Variants in NCAPG2 observed in about 807,000 individuals in gnomAD.
NCAPG2 encodes non-SMC condensin II complex subunit G2, also known as condensin-2 complex subunit G2.
Under a neutral mutation model 141.1 loss-of-function variants are expected in NCAPG2, and 53 were observed. The ratio of observed to expected loss-of-function variants is 0.38; its 90% confidence interval spans 0.30 to 0.47. NCAPG2 has a LOEUF of 0.47. Among genes scored for constraint, NCAPG2 ranks in the 20% least tolerant of loss-of-function variants. NCAPG2 has a pLI of 0.99. For missense variants in NCAPG2, 1,087 were observed against 1,389.0 expected (o/e 0.78, Z 3.46); for synonymous variants, 499 against 490.7 (o/e 1.02, Z -0.22).
rs1169051112 is a variant in NCAPG2 at position 158,683,336 on chromosome 7, A to T, written c.888T>A (p.Leu296=). The change falls in exon 9 of 28, where the codon CTT becomes CTA. Residue 296 remains leucine (L), a synonymous_variant. Coordinates refer to ENST00000356309, the MANE Select transcript of NCAPG2 (RefSeq NM_017760.7). ...TGGAATGCACTGGAGACCTCCTCGG[A>T]AGGTGTATCCCGTGGAACATGAAGT... ...IQDFMFHGIH[L]PRRSPVHSKV... 6.2e-7 allele frequency: 1 copy of T among 1,606,552 alleles called. No homozygotes were observed. Among genetic ancestry groups the T allele is most frequent in the Non-Finnish European group, 8.5e-7 (1 of 1,177,150 alleles).
chr7:158,672,288 GTGTGTATATA>G (rs1223169109), intron 12 of NCAPG2, among the ~76,000 whole-genome samples: 1 of 24,608 alleles, frequency 4.1e-5, no homozygotes, highest in African/African-American at 1.7e-4. Context: ...ATGTGTGTGT[GTGTGTATATA>G]TATATATATA....
At chr7:158,685,230 A>T (rs536706476) in intron 8 of NCAPG2, among the ~76,000 whole-genome samples, 9 of 152,350 alleles carry the variant, frequency 5.9e-5, no homozygotes, top group Non-Finnish European at 1.3e-4. Flanking sequence ...CATAAATACT[A>T]TGTATTCACC....
At chr7:158,653,663 G>T (rs917919660) in intron 22 of NCAPG2, among the ~76,000 whole-genome samples, 3 of 152,294 alleles carry the variant, frequency 2.0e-5, no homozygotes, top group East Asian at 3.9e-4. Flanking sequence ...AGAGACTACA[G>T]ATGGATCCAC....
At chr7:158,677,459 A>G (rs1214193058) in intron 11 of NCAPG2, among the ~76,000 whole-genome samples, 1 of 147,794 alleles carries the variant, frequency 6.8e-6, no homozygotes, top group African/African-American at 2.5e-5. Flanking sequence ...AAACATAAGA[A>G]TGGAAAAGAT....
chr7:158,693,235 A>G, intron 3 of NCAPG2, 74 bp downstream of exon 3: 24 of 1,445,090 alleles, frequency 1.7e-5, no homozygotes, highest in Non-Finnish European at 2.1e-5. Context: ...GTAAAATTCA[A>G]TGATACACAG....
intron 10 of NCAPG2, among the ~76,000 whole-genome samples, chr7:158,680,421 G>A (rs1358305823): frequency 3.9e-5 from 6 of 152,148 alleles, no homozygotes; most frequent in Admixed American, 2.0e-4. Context: ...CCAGGCCAGC[G>A]CGGCAAACCA....
At chr7:158,644,492 A>G (rs930753925) in intron 26 of NCAPG2, 104 bp from the exon 27 acceptor site, 11 of 941,010 alleles carry the variant, frequency 1.2e-5, no homozygotes, top group African/African-American at 3.2e-5. Context: ...GGGCCTCCCT[A>G]TCCTTCCCTT....
intron 2 of NCAPG2, among the ~76,000 whole-genome samples, chr7:158,698,629 C>T (rs1835599993): frequency 6.6e-6 from 1 of 152,168 alleles, no homozygotes; most frequent in Non-Finnish European, 1.5e-5. Flanking sequence ...GATGTTCACA[C>T]AACAATGAAA....
At chr7:158,658,463 GAA>G in intron 16 of NCAPG2, 55 bp from the exon 17 acceptor site, 1 of 1,452,644 alleles carries the variant, frequency 6.9e-7, no homozygotes, top group Non-Finnish European at 9.3e-7. Flanking sequence ...TATAAATTCT[GAA>G]AGTCTCTCTA....
At chr7:158,695,723 C>T (rs529922199) in intron 2 of NCAPG2, among the ~76,000 whole-genome samples, 3 of 152,322 alleles carry the variant, frequency 2.0e-5, no homozygotes, top group East Asian at 1.9e-4. Flanking sequence ...TTAGCAGTGA[C>T]GGCCCAGGCC....
chr7:158,685,334 T>C lies in NCAPG2; in HGVS notation c.837+838A>G, dbSNP rs113401746. ...GAAGTCCCTGAACGGCACTATCCAATAGAAACTGAATGCAAGCCACAGATG... is the reference window on the plus strand; with the variant it reads ...GAAGTCCCTGAACGGCACTATCCAACAGAAACTGAATGCAAGCCACAGATG... On this transcript the variant is annotated intron_variant, in intron 8 of 27. Coordinates refer to ENST00000356309, the MANE Select transcript of NCAPG2 (RefSeq NM_017760.7). Among the ~76,000 whole-genome samples the C allele has an allele frequency of 6.3e-3, 960 of 152,256 alleles. 13 individuals carry two copies. The highest frequency in any genetic ancestry group is 0.019 in the African/African-American group (777 of 41,540).
intron 11 of NCAPG2, among the ~76,000 whole-genome samples, chr7:158,677,254 C>CAATG (rs1166257657): frequency 6.6e-6 from 1 of 152,056 alleles, no homozygotes; most frequent in Non-Finnish European, 1.5e-5. Context: ...GAAGGAAGAG[C>CAATG]AATGCCACCC....
intron 27 of NCAPG2, among the ~76,000 whole-genome samples, chr7:158,639,212 A>G (rs1830479220): frequency 6.6e-6 from 1 of 151,796 alleles, no homozygotes; most frequent in South Asian, 2.1e-4. Context: ...GGCTCAAGTG[A>G]TCCTCCCACC....
At chr7:158,644,255 AG>A in intron 27 of NCAPG2, 33 bp downstream of exon 27, 1 of 1,527,012 alleles carries the variant, frequency 6.5e-7, no homozygotes, top group Non-Finnish European at 9.1e-7. Flanking sequence ...GAGCAGTTTT[AG>A]ATGATCACAT....
chr7:158,668,238 T>A (rs147962878), intron 13 of NCAPG2: 3 of 32,020 alleles, frequency 9.4e-5, no homozygotes, highest in Non-Finnish European at 1.1e-4. Context: ...TGGGTCCCTC[T>A]GCCCTCCTTA....
At chr7:158,641,160 A>G (rs1192310598) in intron 27 of NCAPG2, 3 of 227,004 alleles carry the variant, frequency 1.3e-5, no homozygotes, top group Non-Finnish European at 2.5e-5. Context: ...GCTAGGAAAG[A>G]AAACGGCATC....
chr7:158,634,996 A>C (rs1352187184), intron 27 of NCAPG2, among the ~76,000 whole-genome samples: 3 of 152,198 alleles, frequency 2.0e-5, no homozygotes, highest in African/African-American at 7.2e-5. Flanking sequence ...ACGTCTGTAA[A>C]ATGTGTCAAA....
At chr7:158,680,683 T>A (rs372493715) in intron 10 of NCAPG2, 38 bp downstream of exon 10, 29 of 1,350,518 alleles carry the variant, frequency 2.1e-5, no homozygotes, top group African/African-American at 4.5e-5. Context: ...GCACAAGTAG[T>A]ACATTCCAAA....
chr7:158,639,270 A>G (rs531695673), intron 27 of NCAPG2, among the ~76,000 whole-genome samples: 1 of 151,960 alleles, frequency 6.6e-6, no homozygotes, highest in Non-Finnish European at 1.5e-5. Context: ...ACAATATCCA[A>G]CTAATTTCTA....
Sources: gnomAD v4.1 joint callset for allele counts (sites outside exome capture counted in the v4.1 genomes callset) on GRCh38, gnomAD v4.1.1 for gene constraint, MANE v1.5 for transcripts, NCBI Gene and HGNC (gene_info 2026-07-23, HGNC 2026-07-21) for gene names.